The following ITGB2 variants were observed in gnomAD, a reference collection of about 807,000 sequenced individuals.
The protein encoded by ITGB2 is integrin subunit beta 2.
Under a neutral mutation model 86.8 loss-of-function variants are expected in ITGB2, and 56 were observed. The observed-to-expected ratio is 0.65, with a 90% CI of 0.52 to 0.81. The LOEUF (loss-of-function observed/expected upper bound fraction) is 0.81, where lower values mean the gene tolerates loss of function less well. Ranked by LOEUF, ITGB2 falls within the 30% of genes least tolerant of loss-of-function variation. The pLI is 0.00. For synonymous variants in ITGB2, 457 were observed against 450.4 expected (o/e 1.01, Z -0.19); for missense variants, 948 against 1,061.2 (o/e 0.89, Z 1.48).
intron 7 of ITGB2, among the ~76,000 whole-genome samples, chr21:44,899,707 G>A (rs1250194894): frequency 4.6e-5 from 7 of 152,134 alleles, no homozygotes; most frequent in African/African-American, 1.2e-4. Flanking sequence ...CTCGGCCCAC[G>A]GCTGATCCCA....
intron 5 of ITGB2, 131 bp downstream of exon 5, chr21:44,903,234 G>C: frequency 9.7e-7 from 1 of 1,030,494 alleles, no homozygotes; most frequent in South Asian, 1.3e-5. Flanking sequence ...TGGATGCCCT[G>C]GGGGGACCTG....
At chr21:44,911,916 G>T (rs1257472726) in intron 1 of ITGB2, among the ~76,000 whole-genome samples, 1 of 152,120 alleles carries the variant, frequency 6.6e-6, no homozygotes, top group Non-Finnish European at 1.5e-5. Context: ...GGGCTTCCTA[G>T]GTGGGGTGGG....
intron 2 of ITGB2, 158 bp downstream of exon 2, chr21:44,910,567 C>T (rs997757864): frequency 5.8e-6 from 8 of 1,376,582 alleles, no homozygotes; most frequent in South Asian, 2.5e-5. Flanking sequence ...CCTCCTGGCA[C>T]GTGCGGAGAC....
chr21:44,922,301 A>T (rs2084316735), upstream of ITGB2, among the ~76,000 whole-genome samples: 1 of 152,186 alleles, frequency 6.6e-6, no homozygotes, highest in Admixed American at 6.5e-5. Flanking sequence ...ATATCTAAGT[A>T]TATATGCTAA....
At chr21:44,889,110 G>A (rs538833675) in intron 13 of ITGB2, 166 bp downstream of exon 13, 2 of 716,442 alleles carry the variant, frequency 2.8e-6, no homozygotes, top group South Asian at 3.4e-5. Flanking sequence ...AGGGAGGAGG[G>A]ACACAGGGGC....
In ITGB2 at chr21:44,892,020, G is replaced by A. The variant is rs1303280592; in HGVS notation, c.1225-24C>T. ...ATCTGCAGGGCAGTGCTGGGCTCAG[G>A]TGGGGACCCTCGGTGGCCAGGGTGG... On this transcript the variant is annotated intron_variant, in intron 10 of 15. Coordinates refer to ENST00000652462, the MANE Select transcript of ITGB2 (RefSeq NM_000211.5). 2.5e-6 allele frequency: 4 copies of A among 1,607,878 alleles called. No individual in the cohort carries two copies. In the African/African-American group the frequency reaches 5.3e-5, roughly 21 times the overall value.
At position 44,907,015 on chromosome 21, in the gene ITGB2, G is replaced by A. The variant is rs368629638; in HGVS notation, c.228C>T (p.Asp76=). Residue 76 remains aspartate (D), a synonymous_variant, in exon 4 of 16, where the codon GAC becomes GAT. Transcript: ENST00000652462. ...CGAGGCTTGTGGGGTCCATGATGTC[G>A]TCAGCCGCACAGCCCCTCATGAGCA... The part of the protein sequence containing the change: ...PQLLMRGCAA[D]DIMDPTSLAE... 320 of 1,613,978 alleles carry A rather than the reference G, an allele frequency of 2.0e-4. No individual in the cohort carries two copies. The highest frequency in any genetic ancestry group is 2.1e-4 in the Non-Finnish European group (248 of 1,179,966).
At chr21:44,892,268 G>A (rs2083797357) in intron 10 of ITGB2, among the ~76,000 whole-genome samples, 1 of 152,348 alleles carries the variant, frequency 6.6e-6, no homozygotes. Context: ...AGCAAATCAG[G>A]AGAAGCTGAG....
At chr21:44,892,584 G>A (rs569876401) in intron 10 of ITGB2, among the ~76,000 whole-genome samples, 54 of 120,000 alleles carry the variant, frequency 4.5e-4, no homozygotes, top group South Asian at 4.3e-3. Flanking sequence ...CAGCCTGGGC[G>A]ACAGAGCGAA....
chr21:44,925,462 AG>A (rs2084361444), upstream of ITGB2, among the ~76,000 whole-genome samples: 1 of 150,918 alleles, frequency 6.6e-6, no homozygotes, highest in African/African-American at 2.4e-5. Context: ...GAAGGAAGGA[AG>A]GAAGGAAGGA....
At chr21:44,894,591 T>G in intron 9 of ITGB2, 1 of 337,994 alleles carries the variant, frequency 3.0e-6, no homozygotes, top group South Asian at 2.5e-5. Flanking sequence ...CCCCCCAGGG[T>G]GTCTTCCCAG....
chr21:44,922,658 G>GAA (rs10532717), upstream of ITGB2, among the ~76,000 whole-genome samples: 1 of 114,698 alleles, frequency 8.7e-6, no homozygotes, highest in Non-Finnish European at 2.0e-5. Flanking sequence ...GGGTAACTGA[G>GAA]AAAAAAAAAA....
Position 44,917,931 on chromosome 21 carries a change from G to A in ITGB2, c.-4+2890C>T, listed in dbSNP as rs1016142384. On this transcript the variant is annotated intron_variant, in intron 1 of 15. Transcript: ENST00000652462. ...GGGCCTCAGCTCAGGACAGCACCAG[G>A]GCCCTCTGTGCTTGCTCAGGGCCTG... Among the ~76,000 whole-genome samples, 34 of 152,188 alleles carry A rather than the reference G, an allele frequency of 2.2e-4. 1 individual carries two copies. The Middle Eastern group carries it at 9.5e-3, about 42-fold the overall frequency.
intron 6 of ITGB2, among the ~76,000 whole-genome samples, chr21:44,901,129 G>A (rs760738930): frequency 3.1e-4 from 47 of 152,148 alleles, no homozygotes; most frequent in Non-Finnish European, 4.6e-4. Flanking sequence ...GCGCCCACCC[G>A]GCCTGGAGGG....
At chr21:44,895,771 G>T (rs937383061) in intron 8 of ITGB2, among the ~76,000 whole-genome samples, 1 of 151,722 alleles carries the variant, frequency 6.6e-6, no homozygotes, top group African/African-American at 2.4e-5. Context: ...GGCGGAGGTC[G>T]CAATGAGCTG....
intron 3 of ITGB2, among the ~76,000 whole-genome samples, chr21:44,907,807 C>A (rs1373651399): frequency 6.6e-6 from 1 of 152,140 alleles, no homozygotes; most frequent in African/African-American, 2.4e-5. Flanking sequence ...GTGAGTCCCG[C>A]AGGCAGGGGG....
intron 4 of ITGB2, among the ~76,000 whole-genome samples, chr21:44,904,020 G>A (rs920477737): frequency 3.3e-5 from 5 of 152,156 alleles, no homozygotes; most frequent in African/African-American, 9.7e-5. Context: ...GCTCGCCCGC[G>A]TCTCAGTCAC....
intron 9 of ITGB2, chr21:44,893,863 C>A: frequency 2.7e-6 from 1 of 374,684 alleles, no homozygotes; most frequent in Non-Finnish European, 5.2e-6. Flanking sequence ...ATTGTTCAAG[C>A]GATAAGAGAG....
Position 44,889,310 on chromosome 21 carries a change from A to G in ITGB2, c.1843T>C (p.Cys615Arg). 6.2e-7 allele frequency: 1 copy of G among 1,612,526 alleles called. No homozygotes were observed. The highest frequency in any genetic ancestry group is 8.5e-7 in the Non-Finnish European group (1 of 1,179,784). The change falls in exon 13 of 16, where the codon TGC becomes CGC. Residue 615 changes from cysteine (C) to arginine (R), a missense_variant. Cys to Arg is a radical substitution (Grantham distance 180, BLOSUM62 -3). Transcript: ENST00000652462. ...SGYQLPLCQECPGCPSPCGKY... is the reference protein window; with the variant it reads ...SGYQLPLCQERPGCPSPCGKY... The stretch of plus-strand genomic sequence containing the variant: ...CCACAGGGTGAGGGGCAGCCGGGGC[A>G]CTCCTGGCACAGAGGCAGCTGGTAG...
Sources: allele counts gnomAD v4.1 joint callset (sites outside exome capture counted in the v4.1 genomes callset), GRCh38; gene constraint gnomAD v4.1.1; transcripts MANE v1.5; gene names NCBI Gene and HGNC (gene_info 2026-07-23, HGNC 2026-07-21).